Variants in DBI observed in about 807,000 individuals in gnomAD.
DBI encodes diazepam binding inhibitor, acyl-CoA binding protein, also known as acyl-CoA-binding protein.
DBI carries 12 observed loss-of-function variants against 13.0 expected under a neutral mutation model. The observed-to-expected ratio is 0.92, with a 90% CI of 0.59 to 1.49. The LOEUF (loss-of-function observed/expected upper bound fraction) is 1.49. Among genes scored for constraint, DBI ranks in the 40% most tolerant of loss-of-function variants. DBI has a pLI of 0.00. For synonymous variants in DBI, 37 were observed against 37.4 expected (o/e 0.99, Z 0.04); for missense variants, 95 against 104.8 (o/e 0.91, Z 0.41).
chr2:119,372,406 C>A lies in DBI; in HGVS notation c.*88C>A. 1 of 1,057,294 alleles carries A rather than the reference C, an allele frequency of 9.5e-7. No homozygotes were observed. The highest frequency in any genetic ancestry group is 1.5e-6 in the Non-Finnish European group (1 of 688,306). 65.5% of individuals were successfully genotyped at this position (1,057,294 alleles called of 1,614,324 possible). ...TCTAATACCGTGGATGGTGGGAATT[C>A]GGGAAAATAACCAGTTAAACCAGCT... On this transcript the variant is annotated 3_prime_UTR_variant, in exon 4 of 4. Transcript: ENST00000355857.
intron 1 of DBI, chr2:119,367,658 G>C (rs1037330849): frequency 6.2e-7 from 1 of 1,613,748 alleles, no homozygotes; most frequent in Admixed American, 1.7e-5. Flanking sequence ...GGTGTTGAAC[G>C]CGCGGGCCCC....
At chr2:119,371,360 G>C (rs1377520128) in intron 3 of DBI, among the ~76,000 whole-genome samples, 1 of 152,190 alleles carries the variant, frequency 6.6e-6, no homozygotes, top group African/African-American at 2.4e-5. Flanking sequence ...CCCAAGAGTT[G>C]GCACCAAAGC....
At chr2:119,371,641 G>T (rs895831617) in intron 3 of DBI, among the ~76,000 whole-genome samples, 1 of 151,940 alleles carries the variant, frequency 6.6e-6, no homozygotes, top group Non-Finnish European at 1.5e-5. Flanking sequence ...CAGGAAACTG[G>T]GTGTCACTGT....
chr2:119,372,331 G>T lies in DBI; in HGVS notation c.*13G>T, dbSNP rs188178195. 47 of 1,593,612 alleles carry T rather than the reference G, an allele frequency of 2.9e-5. No homozygotes were observed. The East Asian group carries it at 7.8e-4, about 27-fold the overall frequency. On this transcript the variant is annotated 3_prime_UTR_variant, in exon 4 of 4. Coordinates refer to ENST00000355857, the MANE Select transcript of DBI (RefSeq NM_001079862.4). ...ATACGGGATATGAGAGACTGGATTT[G>T]GTTACTGTGCCATGTGTTTATCCTA...
intron 3 of DBI, 149 bp from the exon 4 acceptor site, chr2:119,372,096 T>C (rs1681557266): frequency 1.6e-6 from 1 of 621,706 alleles, no homozygotes; most frequent in African/African-American, 1.8e-5. Flanking sequence ...GTTCTGTGGA[T>C]ACTGTCTCCT....
At chr2:119,368,058 C>CCAT (rs1681199008) in intron 1 of DBI, 130 bp from the exon 2 acceptor site, 1 of 1,515,834 alleles carries the variant, frequency 6.6e-7, no homozygotes, top group Non-Finnish European at 9.2e-7. Context: ...TCAGGGGCTG[C>CCAT]ATTGCCCGAA....
chr2:119,371,729 C>A (rs577208699), intron 3 of DBI, among the ~76,000 whole-genome samples: 2 of 152,234 alleles, frequency 1.3e-5, no homozygotes, highest in Non-Finnish European at 2.9e-5. Flanking sequence ...CAAGAAGCAG[C>A]CACTTTTGGT....
chr2:119,368,515 C>G (rs2104685860), intron 2 of DBI: 1 of 545,160 alleles, frequency 1.8e-6, no homozygotes, highest in East Asian at 3.1e-5. Context: ...TTTAGAAGGT[C>G]TTTACTGGTT....
Position 119,367,451 on chromosome 2 carries a change from C to T in DBI, c.9+391C>T, listed in dbSNP as rs1369267371. On this transcript the variant is annotated intron_variant, in intron 1 of 3. Coordinates refer to ENST00000355857, the MANE Select transcript of DBI (RefSeq NM_001079862.4). Reference sequence around the variant, plus strand: ...AGTGGGGAAGCGAGGAGTCCGTGGCCGAGAGCTTGGAGGTCAGGGGAAGTA... The same window carrying T: ...AGTGGGGAAGCGAGGAGTCCGTGGCTGAGAGCTTGGAGGTCAGGGGAAGTA... The T allele has an allele frequency of 1.3e-6, 2 of 1,566,456 alleles. 1 individual carries two copies.
chr2:119,371,677 T>A (rs906148157), intron 3 of DBI, among the ~76,000 whole-genome samples: 3 of 152,194 alleles, frequency 2.0e-5, no homozygotes, highest in Admixed American at 6.5e-5. Flanking sequence ...TCAGTGTCCT[T>A]TCTACTGCAG....
At chr2:119,367,862 A>G in intron 1 of DBI, 1 of 1,613,588 alleles carries the variant, frequency 6.2e-7, no homozygotes. Context: ...CGCAGAGGGG[A>G]CCCCCACTGG....
rs200085802 is a variant in DBI, at chr2:119,368,205, T to A, written c.27T>A (p.Ala9=). 197 of 1,613,594 alleles carry A rather than the reference T, an allele frequency of 1.2e-4. 1 individual carries two copies. In the South Asian group the frequency reaches 2.1e-3, roughly 17 times the overall value. MSQAEFEK[A]AEEVRHLKTK... ...CCATTTAGGCTGAGTTTGAGAAAGC[T>A]GCAGAGGAGGTTAGGCACCTTAAGA... Residue 9 remains alanine, a synonymous_variant, in exon 2 of 4, where the codon GCT becomes GCA. Transcript: ENST00000355857.
chr2:119,368,009 T>A (rs1490669715), intron 1 of DBI, 179 bp from the exon 2 acceptor site: 10 of 1,604,504 alleles, frequency 6.2e-6, no homozygotes, highest in Non-Finnish European at 8.5e-6. Context: ...GCTGAATCTT[T>A]CTAGCTGCCC....
At chr2:119,367,119 C>T in intron 1 of DBI, 59 bp downstream of exon 1, 1 of 1,607,452 alleles carries the variant, frequency 6.2e-7, no homozygotes, top group Non-Finnish European at 8.5e-7. Context: ...CCGTTGGGGG[C>T]TCAGCCGGCT....
At chr2:119,367,503 C>G (rs756136101) in intron 1 of DBI, 2 of 1,600,734 alleles carry the variant, frequency 1.2e-6, no homozygotes, top group Non-Finnish European at 8.5e-7. Context: ...GAGTGCGGGA[C>G]GAGGAGAATC....
At chr2:119,367,964 A>G in intron 1 of DBI, 1 of 1,614,164 alleles carries the variant, frequency 6.2e-7, no homozygotes, top group African/African-American at 1.3e-5. Context: ...TTTCGATTGA[A>G]TGAGTGAACT....
Position 119,372,153 on chromosome 2 carries a change from G to A in DBI, c.191-92G>A, listed in dbSNP as rs1187394223. 1.4e-5 allele frequency: 12 copies of A among 857,694 alleles called. No individual in the cohort carries two copies. The Admixed American group carries it at 2.2e-4, about 16-fold the overall frequency. 53.1% of individuals were successfully genotyped at this position (857,694 alleles called of 1,614,324 possible). ...TTATTAAGTGAGAAACTGAGCCTAG[G>A]AGAGTTACAGCAGAGCTGCCTGGGG... On this transcript the variant is annotated intron_variant, in intron 3 of 3. Coordinates refer to ENST00000355857, the MANE Select transcript of DBI (RefSeq NM_001079862.4).
intron 1 of DBI, chr2:119,367,815 C>A (rs1573715418): frequency 6.2e-7 from 1 of 1,612,586 alleles, no homozygotes; most frequent in East Asian, 2.2e-5. Context: ...AGTGCCTGGC[C>A]CGGTGGTGGC....
intron 2 of DBI, among the ~76,000 whole-genome samples, chr2:119,369,599 A>G (rs932232642): frequency 1.3e-5 from 2 of 152,222 alleles, no homozygotes; most frequent in Non-Finnish European, 2.9e-5. Context: ...CAACCTGGCT[A>G]ACGTAGTGAA....
Sources: allele counts gnomAD v4.1 joint callset (sites outside exome capture counted in the v4.1 genomes callset), GRCh38; gene constraint gnomAD v4.1.1; transcripts MANE v1.5; gene names NCBI Gene and HGNC (gene_info 2026-07-23, HGNC 2026-07-21).